Variants in MAGI2 observed in about 807,000 individuals in gnomAD.
The protein encoded by MAGI2 is membrane-associated guanylate kinase, WW and PDZ domain-containing protein 2.
MAGI2 carries 35 observed loss-of-function variants against 133.3 expected under a neutral mutation model. The observed-to-expected ratio is 0.26, with a 90% CI of 0.20 to 0.35. The LOEUF is 0.35. Among genes scored for constraint, MAGI2 ranks in the 10% least tolerant of loss-of-function variants. MAGI2 has a pLI of 1.00. For synonymous variants in MAGI2, 729 were observed against 710.6 expected (o/e 1.03, Z -0.41); for missense variants, 1,636 against 1,863.4 (o/e 0.88, Z 2.25).
intron 2 of MAGI2, among the ~76,000 whole-genome samples, chr7:78,802,082 A>G (rs1235075782): frequency 2.0e-5 from 3 of 152,182 alleles, no homozygotes. Flanking sequence ...GCTCTTACAC[A>G]AATGCTTCCT....
intron 1 of MAGI2, among the ~76,000 whole-genome samples, chr7:79,337,773 T>C (rs969205421): frequency 1.3e-5 from 2 of 152,260 alleles, no homozygotes; most frequent in Middle Eastern, 3.4e-3. Context: ...TCTTAAGACA[T>C]GTTCTAATCT....
At chr7:78,820,163 TA>T (rs1789965490) in intron 2 of MAGI2, among the ~76,000 whole-genome samples, 1 of 151,984 alleles carries the variant, frequency 6.6e-6, no homozygotes, top group Non-Finnish European at 1.5e-5. Flanking sequence ...AGATTTGCTA[TA>T]AAAAAGTCAC....
chr7:78,496,599 A>T (rs1034455366), intron 5 of MAGI2, among the ~76,000 whole-genome samples: 7 of 152,130 alleles, frequency 4.6e-5, no homozygotes, highest in African/African-American at 1.7e-4. Context: ...TTTCTCAGCC[A>T]ATGTTTGTTT....
chr7:78,375,141 G>A (rs970141078), intron 6 of MAGI2, among the ~76,000 whole-genome samples: 1 of 151,992 alleles, frequency 6.6e-6, no homozygotes, highest in African/African-American at 2.4e-5. Context: ...CCATTCCCAG[G>A]CTTCTGTTGA....
intron 2 of MAGI2, among the ~76,000 whole-genome samples, chr7:78,939,341 A>C (rs1799002): frequency 0.075 from 11,386 of 152,178 alleles, 434 homozygotes; most frequent in African/African-American, 0.099. Context: ...TCTTTGGAAG[A>C]GGTGGCATTT....
At chr7:78,927,198 G>C (rs956445532) in intron 2 of MAGI2, among the ~76,000 whole-genome samples, 1 of 151,974 alleles carries the variant, frequency 6.6e-6, no homozygotes, top group African/African-American at 2.4e-5. Flanking sequence ...CCAGAAAATA[G>C]CTATGTAGCC....
intron 2 of MAGI2, among the ~76,000 whole-genome samples, chr7:78,959,491 G>A (rs1399926264): frequency 1.3e-5 from 2 of 151,656 alleles, no homozygotes; most frequent in Non-Finnish European, 2.9e-5. Context: ...ATTATCATCT[G>A]AGGCAAAGAG....
At chr7:78,668,548 T>C (rs1813924584) in intron 2 of MAGI2, among the ~76,000 whole-genome samples, 1 of 151,324 alleles carries the variant, frequency 6.6e-6, no homozygotes, top group African/African-American at 2.4e-5. Flanking sequence ...AAGTCTTTAA[T>C]CCATCTTGAA....
chr7:79,064,667 T>G (rs999705808), intron 1 of MAGI2, among the ~76,000 whole-genome samples: 3 of 152,134 alleles, frequency 2.0e-5, no homozygotes, highest in African/African-American at 4.8e-5. Context: ...TGTCAGAGAC[T>G]AATTTTCCTT....
intron 1 of MAGI2, among the ~76,000 whole-genome samples, chr7:79,267,141 C>A (rs1834526874): frequency 6.6e-6 from 1 of 152,150 alleles, no homozygotes; most frequent in South Asian, 2.1e-4. Context: ...TGTACCCCTG[C>A]CTTTAAGAAC....
chr7:78,438,523 A>G (rs1787282083), intron 6 of MAGI2, among the ~76,000 whole-genome samples: 1 of 152,150 alleles, frequency 6.6e-6, no homozygotes, highest in Non-Finnish European at 1.5e-5. Flanking sequence ...GACCTTCAGC[A>G]TGTGTGTGCT....
chr7:78,171,899 T>G (rs1826144229), intron 14 of MAGI2, among the ~76,000 whole-genome samples: 1 of 89,326 alleles, frequency 1.1e-5, no homozygotes, highest in Non-Finnish European at 2.3e-5. Flanking sequence ...GTTTGTTTGT[T>G]TGTTTTTTTT....
intron 2 of MAGI2, among the ~76,000 whole-genome samples, chr7:78,747,250 T>C (rs1467519634): frequency 6.6e-6 from 1 of 152,128 alleles, no homozygotes; most frequent in Non-Finnish European, 1.5e-5. Context: ...AATAATGCGG[T>C]TTTATATAGT....
chr7:78,199,917 G>T (rs1018901037), intron 11 of MAGI2, among the ~76,000 whole-genome samples: 1 of 152,238 alleles, frequency 6.6e-6, no homozygotes, highest in African/African-American at 2.4e-5. Context: ...GTAGCACCAT[G>T]ATGAGGTCGC....
At chr7:78,061,187 T>A (rs575414909) in intron 21 of MAGI2, among the ~76,000 whole-genome samples, 64 of 151,102 alleles carry the variant, frequency 4.2e-4, no homozygotes, top group Middle Eastern at 6.8e-3. Flanking sequence ...GGTTTTCTTT[T>A]TTTTTTTAGA....
chr7:78,821,858 A>AT (rs1360420186), intron 2 of MAGI2, among the ~76,000 whole-genome samples: 1 of 151,660 alleles, frequency 6.6e-6, no homozygotes, highest in African/African-American at 2.4e-5. Context: ...TTTGGGTTAG[A>AT]TTTTTTTCAT....
rs531133678 is a variant in MAGI2 at position 79,007,330 on chromosome 7, G to T, written c.302-124C>A. 7.5e-5 allele frequency: 44 copies of T among 590,562 alleles called. No homozygotes were observed. In the African/African-American group the frequency reaches 8.4e-4, roughly 11 times the overall value. The allele number at this position is 590,562 out of a possible 1,614,324, so 36.6% of individuals were successfully genotyped here. A position where few individuals can be genotyped will look rare whatever the true frequency, so the allele number is the denominator to read the frequency against. ...ATGCATTATTTCAAAGTGTTCTTTT[G>T]ATCTTCTCAAACATTTACTGCCACA... is the stretch of plus-strand genomic sequence containing the variant. On this transcript the variant is annotated intron_variant, in intron 1 of 21. Coordinates refer to ENST00000354212, the MANE Select transcript of MAGI2 (RefSeq NM_012301.4).
At chr7:78,324,838 C>T (rs533036445) in intron 9 of MAGI2, among the ~76,000 whole-genome samples, 23 of 152,066 alleles carry the variant, frequency 1.5e-4, no homozygotes, top group East Asian at 9.7e-4. Context: ...TGGTGGCGGG[C>T]GCCTGTATTC....
chr7:78,855,495 A>T (rs1410663223), intron 2 of MAGI2, among the ~76,000 whole-genome samples: 1 of 152,152 alleles, frequency 6.6e-6, no homozygotes, highest in Non-Finnish European at 1.5e-5. Flanking sequence ...ATGAGTGAGA[A>T]CATGTGGTGT....
Sources: allele counts gnomAD v4.1 joint callset (sites outside exome capture counted in the v4.1 genomes callset), GRCh38; gene constraint gnomAD v4.1.1; transcripts MANE v1.5; gene names NCBI Gene and HGNC (gene_info 2026-07-23, HGNC 2026-07-21).